Variants in MED26 observed in about 807,000 individuals in gnomAD.
MED26 encodes the protein mediator complex subunit 26, also known as mediator of RNA polymerase II transcription subunit 26.
Under a neutral mutation model 43.7 loss-of-function variants are expected in MED26, and 7 were observed. The ratio of observed to expected loss-of-function variants is 0.16; its 90% CI spans 0.09 to 0.30. The LOEUF (loss-of-function observed/expected upper bound fraction) is 0.30. MED26 is among the 10% of genes least tolerant of loss of function. MED26 has a pLI of 1.00. For missense variants in MED26, 784 were observed against 840.6 expected (o/e 0.93, Z 0.83); for synonymous variants, 375 against 371.1 (o/e 1.01, Z -0.12).
intron 1 of MED26, chr19:16,597,599 CCTCT>C (rs756174650): frequency 1.0e-5 from 4 of 396,750 alleles, no homozygotes; most frequent in African/African-American, 2.1e-5. Context: ...CTGAGTTCAC[CCTCT>C]CTCTCCTGGT....
At position 16,627,934 on chromosome 19, in the gene MED26, C is replaced by T. The variant is rs1359598393; in HGVS notation, c.10G>A (p.Ala4Thr). Residue 4 changes from alanine to threonine, a missense_variant, in exon 1 of 3, where the codon GCT becomes ACT. Physicochemically the swap from Ala to Thr is moderately conservative, Grantham distance 58. Around this residue, in one of 3 missense-constraint regions of MED26, gnomAD observed 37 missense variants for 30.3 expected, o/e 1.22. Coordinates refer to ENST00000263390, the MANE Select transcript of MED26 (RefSeq NM_004831.5). ...CTGATCTGCTGCGGAGACGCCGGAG[C>T]CGCTGTCATTGCCTGGGCGAGGCGG... MTA[A>T]PASPQQIRDR... 1.3e-6 allele frequency: 2 copies of T among 1,485,686 alleles called. No individual in the cohort carries two copies. The highest frequency in any genetic ancestry group is 2.9e-5 in the East Asian group (1 of 34,638). The allele number at this position is 1,485,686 out of a possible 1,614,324, so 92.0% of individuals were successfully genotyped here.
intron 1 of MED26, among the ~76,000 whole-genome samples, chr19:16,603,746 T>C (rs2086160354): frequency 6.6e-6 from 1 of 152,050 alleles, no homozygotes; most frequent in South Asian, 2.1e-4. Context: ...GCTGTTCAAG[T>C]AAAGCAGTGG....
chr19:16,597,042 G>C (rs995300101), intron 1 of MED26, among the ~76,000 whole-genome samples: 5 of 152,226 alleles, frequency 3.3e-5, no homozygotes, highest in Non-Finnish European at 5.9e-5. Context: ...TGCCAGAGGG[G>C]AACAGTGCCC....
In MED26 at chr19:16,628,036, C is replaced by G. The variant is rs2086291566; in HGVS notation, c.-93G>C. 2 of 770,386 alleles carry G rather than the reference C, an allele frequency of 2.6e-6. No homozygotes were observed. The highest frequency in any genetic ancestry group is 3.3e-5 in the South Asian group (1 of 30,034). The allele number at this position is 770,386 out of a possible 1,614,324, so 47.7% of individuals were successfully genotyped here. ...CACTCACTCGCCGGCCTCCGGGAGC[C>G]GGAGCCGCATGTTCCCCGCGGCGCC... On this transcript the variant is annotated 5_prime_UTR_variant, in exon 1 of 3. Coordinates refer to ENST00000263390, the MANE Select transcript of MED26 (RefSeq NM_004831.5).
intron 2 of MED26, 65 bp downstream of exon 2, chr19:16,578,270 C>G: frequency 7.0e-7 from 1 of 1,436,132 alleles, no homozygotes; most frequent in Non-Finnish European, 9.8e-7. Context: ...TGCGGAAGGA[C>G]CTGGTTGGTA....
At chr19:16,580,885 C>T (rs2086041804) in intron 1 of MED26, among the ~76,000 whole-genome samples, 1 of 152,158 alleles carries the variant, frequency 6.6e-6, no homozygotes, top group South Asian at 2.1e-4. Context: ...CAGGGCCTGC[C>T]CAGATGATCT....
intron 1 of MED26, among the ~76,000 whole-genome samples, chr19:16,616,144 C>A (rs907028594): frequency 6.6e-6 from 1 of 152,206 alleles, no homozygotes; most frequent in Non-Finnish European, 1.5e-5. Flanking sequence ...GGGCTCTCTA[C>A]CACCAAGCCT....
At chr19:16,591,474 T>C (rs943457355) in intron 1 of MED26, among the ~76,000 whole-genome samples, 3 of 152,212 alleles carry the variant, frequency 2.0e-5, no homozygotes, top group Non-Finnish European at 4.4e-5. Flanking sequence ...ATCCTAATTG[T>C]AGCTTTGGAA....
intron 1 of MED26, among the ~76,000 whole-genome samples, chr19:16,592,679 CA>C (rs1164918022): frequency 6.6e-6 from 1 of 152,198 alleles, no homozygotes; most frequent in Non-Finnish European, 1.5e-5. Context: ...AGCTCCTGGT[CA>C]AAACGGCACC....
At chr19:16,623,161 T>A (rs1035610105) in intron 1 of MED26, among the ~76,000 whole-genome samples, 2 of 151,986 alleles carry the variant, frequency 1.3e-5, no homozygotes, top group Non-Finnish European at 2.9e-5. Context: ...CACTTTCTCC[T>A]GAGGGACAGA....
rs191130487 is a variant in MED26, at chr19:16,591,968, C to T, written c.73-13559G>A. On this transcript the variant is annotated intron_variant, in intron 1 of 2. Coordinates refer to ENST00000263390, the MANE Select transcript of MED26 (RefSeq NM_004831.5). ...GCATCACCAGGGAGCTGCTTTGAAA[C>T]GCACAATCCCCATCCCCATCCCCCC... Among the ~76,000 whole-genome samples the T allele has an allele frequency of 5.1e-4, 78 of 152,298 alleles. 1 individual carries two copies. Among genetic ancestry groups the T allele is most frequent in the African/African-American group, 1.7e-3 (72 of 41,546 alleles).
At position 16,628,137 on chromosome 19, in the gene MED26, A is replaced by AAAG; in HGVS notation, c.-197_-195dup. 1 of 369,272 alleles carries AAAG rather than the reference A, an allele frequency of 2.7e-6. No homozygotes were observed. Among genetic ancestry groups the AAAG allele is most frequent in the East Asian group, 4.1e-5 (1 of 24,466 alleles). 22.9% of individuals were successfully genotyped at this position (369,272 alleles called of 1,614,324 possible). A position where few individuals can be genotyped will look rare whatever the true frequency, so the allele number is the denominator to read the frequency against. On this transcript the variant is annotated 5_prime_UTR_variant, in exon 1 of 3. Coordinates refer to ENST00000263390, the MANE Select transcript of MED26 (RefSeq NM_004831.5). Reference sequence around the variant, plus strand: ...TCGGTCCCGGGCCGCCGCCGCCACCAAAGGAGGAGGAGGAGCCGCCGGAGC... The same window carrying AAAG: ...TCGGTCCCGGGCCGCCGCCGCCACCAAAGAAGGAGGAGGAGGAGCCGCCGGAGC...
rs535299288 is a variant in MED26, at chr19:16,578,270, C to A, written c.147+65G>T. Reference sequence around the variant, plus strand: ...GATGCTCCCAGAAGCTGCGGAAGGACCTGGTTGGTACCATCCCCTGCCCCC... The same window carrying A: ...GATGCTCCCAGAAGCTGCGGAAGGAACTGGTTGGTACCATCCCCTGCCCCC... On this transcript the variant is annotated intron_variant, in intron 2 of 2. Transcript: ENST00000263390. The A allele has an allele frequency of 4.6e-5, 66 of 1,436,130 alleles. 1 individual carries two copies. In the South Asian group the frequency reaches 7.4e-4, roughly 16 times the overall value. 89.0% of individuals were successfully genotyped at this position (1,436,130 alleles called of 1,614,324 possible).
At chr19:16,584,808 C>G (rs550224124) in intron 1 of MED26, among the ~76,000 whole-genome samples, 1 of 152,332 alleles carries the variant, frequency 6.6e-6, no homozygotes, top group South Asian at 2.1e-4. Flanking sequence ...TTACCTTTCT[C>G]TACTTTTATG....
Position 16,602,442 on chromosome 19 carries a change from T to C in MED26, c.73-24033A>G, listed in dbSNP as rs562191729. On this transcript the variant is annotated intron_variant, in intron 1 of 2. Coordinates refer to ENST00000263390, the MANE Select transcript of MED26 (RefSeq NM_004831.5). ...CCCTGAATGCCACACCCCTACCACCTTTCTAAACTTAACTCAGAAACAACC... is the reference window on the plus strand; with the variant it reads ...CCCTGAATGCCACACCCCTACCACCCTTCTAAACTTAACTCAGAAACAACC... Among the ~76,000 whole-genome samples the C allele has an allele frequency of 4.6e-5, 7 of 152,240 alleles. No individual in the cohort carries two copies. The South Asian group carries it at 1.5e-3, about 32-fold the overall frequency.
chr19:16,616,097 G>A (rs2086224992), intron 1 of MED26, among the ~76,000 whole-genome samples: 1 of 152,200 alleles, frequency 6.6e-6, no homozygotes, highest in African/African-American at 2.4e-5. Flanking sequence ...GGAAAACGAG[G>A]ATGCAGAGAC....
intron 1 of MED26, among the ~76,000 whole-genome samples, chr19:16,601,924 G>A (rs2086151506): frequency 2.0e-5 from 3 of 152,228 alleles, no homozygotes; most frequent in African/African-American, 7.2e-5. Context: ...GCCAGCCTCA[G>A]GGAGCGACAT....
chr19:16,596,999 C>T (rs1156353824), intron 1 of MED26, among the ~76,000 whole-genome samples: 2 of 152,214 alleles, frequency 1.3e-5, no homozygotes, highest in African/African-American at 2.4e-5. Context: ...CTATATCTCA[C>T]AGACCACGCC....
chr19:16,617,160 G>A (rs2086230040), intron 1 of MED26, among the ~76,000 whole-genome samples: 1 of 152,122 alleles, frequency 6.6e-6, no homozygotes, highest in South Asian at 2.1e-4. Context: ...GGCTGACAGC[G>A]TGTCCAGAGA....
Sources: allele counts gnomAD v4.1 joint callset (sites outside exome capture counted in the v4.1 genomes callset), GRCh38; gene constraint gnomAD v4.1.1; regional missense constraint gnomAD v4.1.1; transcripts MANE v1.5; gene names NCBI Gene and HGNC (gene_info 2026-07-23, HGNC 2026-07-21).